CPSF6: variants seen among roughly 807,000 people sequenced by gnomAD.
CPSF6 encodes cleavage and polyadenylation specificity factor subunit 6.
A neutral mutation model predicts 56.7 loss-of-function variants in CPSF6; 10 were observed. That is an observed-to-expected ratio of 0.18 (90% CI 0.11 to 0.30). The LOEUF is 0.30. Ranked by LOEUF, CPSF6 falls within the 10% of genes least tolerant of loss-of-function variation. The pLI, the probability that CPSF6 is intolerant of heterozygous loss-of-function variation, is 1.00. For missense variants in CPSF6, 419 were observed against 722.9 expected (o/e 0.58, Z 4.82); for synonymous variants, 248 against 244.8 (o/e 1.01, Z -0.12).
At chr12:69,251,499 A>T (rs1486043783) in intron 2 of CPSF6, among the ~76,000 whole-genome samples, 161 bp downstream of exon 2, 2 of 151,960 alleles carry the variant, frequency 1.3e-5, no homozygotes, top group Non-Finnish European at 2.9e-5. Flanking sequence ...TCTTTGCAAC[A>T]TCGTTAATTC....
rs76766118 is a variant in CPSF6 at position 69,257,413 on chromosome 12, C to A, written c.521-319C>A. On this transcript the variant is annotated intron_variant, in intron 4 of 9. Transcript: ENST00000435070. ...AAGACTTAACTGAAGAAGTGTGTTA[C>A]AAAATTTAAATGATGTAATACTGAA... Among the ~76,000 whole-genome samples, 835 of 152,242 alleles carry A rather than the reference C, an allele frequency of 5.5e-3. 10 individuals are homozygous for A. The highest frequency in any genetic ancestry group is 0.018 in the African/African-American group (737 of 41,538).
chr12:69,269,704 T>G lies in CPSF6; in HGVS notation c.*196T>G. The G allele has an allele frequency of 9.2e-6, 2 of 216,632 alleles. No homozygotes were observed. Among genetic ancestry groups the G allele is most frequent in the South Asian group, 5.4e-5 (1 of 18,544 alleles). The allele number at this position is 216,632 out of a possible 1,614,324, so 13.4% of individuals were successfully genotyped here. On this transcript the variant is annotated 3_prime_UTR_variant, in exon 10 of 10. Coordinates refer to ENST00000435070, the MANE Select transcript of CPSF6 (RefSeq NM_007007.3). ...GCTCTACTTTTATTTTTTATGTTGCTTAACTGTTTTATTTGAAGGAAACCT... is the reference window on the plus strand; with the variant it reads ...GCTCTACTTTTATTTTTTATGTTGCGTAACTGTTTTATTTGAAGGAAACCT...
intron 3 of CPSF6, among the ~76,000 whole-genome samples, chr12:69,255,788 T>C (rs1322449245): frequency 6.6e-6 from 1 of 152,064 alleles, no homozygotes; most frequent in Non-Finnish European, 1.5e-5. Flanking sequence ...CCTCCTGCCT[T>C]GGCCTCCCAA....
intron 8 of CPSF6, 98 bp from the exon 9 acceptor site, chr12:69,262,275 G>C: frequency 7.2e-7 from 1 of 1,397,376 alleles, no homozygotes; most frequent in Non-Finnish European, 9.4e-7. Flanking sequence ...GATTTACAAA[G>C]AATTTTTGCT....
At chr12:69,242,170 G>T (rs1376813470) in intron 1 of CPSF6, among the ~76,000 whole-genome samples, 1 of 150,960 alleles carries the variant, frequency 6.6e-6, no homozygotes, top group African/African-American at 2.4e-5. Context: ...AGCCAGTTTT[G>T]ACTTACTTTG....
chr12:69,247,987 C>G (rs979374772), intron 1 of CPSF6, among the ~76,000 whole-genome samples: 19 of 152,150 alleles, frequency 1.2e-4, no homozygotes, highest in African/African-American at 4.6e-4. Flanking sequence ...AACCCCAGGA[C>G]CATGGTCTTA....
At chr12:69,260,225 T>TA (rs745587175) in intron 8 of CPSF6, 28 bp downstream of exon 8, 9 of 1,489,572 alleles carry the variant, frequency 6.0e-6, no homozygotes, top group Admixed American at 2.5e-5. Context: ...CATTTCCATT[T>TA]AAAAAAACTG....
At chr12:69,244,312 C>T (rs1185169650) in intron 1 of CPSF6, among the ~76,000 whole-genome samples, 4 of 151,968 alleles carry the variant, frequency 2.6e-5, no homozygotes, top group Non-Finnish European at 2.9e-5. Context: ...CTTGGCTCAC[C>T]GCAACCTCTG....
At chr12:69,260,336 T>A in intron 8 of CPSF6, 139 bp downstream of exon 8, 1 of 615,468 alleles carries the variant, frequency 1.6e-6, no homozygotes, top group Non-Finnish European at 2.7e-6. Flanking sequence ...TTTTTAACTC[T>A]AAATGTTAGT....
Position 69,249,159 on chromosome 12 carries a change from G to C in CPSF6, c.61-1970G>C, listed in dbSNP as rs1173490806. Reference sequence around the variant, plus strand: ...CCTGTAGTCCCAGCTACTCGGGGGGGGGGGGGGGGGCTGAGGCAGGAGAAT... The same window carrying C: ...CCTGTAGTCCCAGCTACTCGGGGGGCGGGGGGGGGGCTGAGGCAGGAGAAT... On this transcript the variant is annotated intron_variant, in intron 1 of 9. Coordinates refer to ENST00000435070, the MANE Select transcript of CPSF6 (RefSeq NM_007007.3). Among the ~76,000 whole-genome samples, 56 of 69,440 alleles carry C rather than the reference G, an allele frequency of 8.1e-4. 10 individuals carry two copies. Among genetic ancestry groups the C allele is most frequent in the East Asian group, 3.2e-3 (4 of 1,268 alleles). 45.6% of individuals were successfully genotyped at this position (69,440 alleles called of 152,430 possible). A position where few individuals can be genotyped will look rare whatever the true frequency, so the allele number is the denominator to read the frequency against.
chr12:69,249,325 T>G (rs1301666482), intron 1 of CPSF6, among the ~76,000 whole-genome samples: 2 of 151,804 alleles, frequency 1.3e-5, no homozygotes, highest in African/African-American at 4.8e-5. Flanking sequence ...AAATAAAAGA[T>G]CTTATTCTGG....
intron 8 of CPSF6, 43 bp downstream of exon 8, chr12:69,260,240 T>G: frequency 7.0e-7 from 1 of 1,418,634 alleles, no homozygotes; most frequent in Non-Finnish European, 9.5e-7. Flanking sequence ...AAACTGTTAG[T>G]TTACAAATGG....
At position 69,256,784 on chromosome 12, in the gene CPSF6, T is replaced by C. The variant is rs1452581530; in HGVS notation, c.462T>C (p.Pro154=). 2 of 1,613,824 alleles carry C rather than the reference T, an allele frequency of 1.2e-6. No individual in the cohort carries two copies. The highest frequency in any genetic ancestry group is 1.7e-6 in the Non-Finnish European group (2 of 1,179,892). ...AAAGAGAACTTCATGGTCAGAATCCTGTTGTAACTCCATGCAATAAACAGT... is the reference window on the plus strand; with the variant it reads ...AAAGAGAACTTCATGGTCAGAATCCCGTTGTAACTCCATGCAATAAACAGT... ...LPKRELHGQN[P]VVTPCNKQFL... The change falls in exon 4 of 10, where the codon CCT becomes CCC. Residue 154 remains proline (P), a synonymous_variant. Transcript: ENST00000435070.
chr12:69,267,255 A>T (rs970522373), intron 9 of CPSF6, among the ~76,000 whole-genome samples: 3 of 152,076 alleles, frequency 2.0e-5, no homozygotes, highest in African/African-American at 7.2e-5. Flanking sequence ...ATGTGCATAG[A>T]TAAATTTCTA....
At chr12:69,246,545 A>G (rs779753133) in intron 1 of CPSF6, among the ~76,000 whole-genome samples, 1 of 152,234 alleles carries the variant, frequency 6.6e-6, no homozygotes, top group Non-Finnish European at 1.5e-5. Flanking sequence ...AGGGATTTTT[A>G]CAGGGATTAC....
rs762585524 is a variant in CPSF6 at position 69,259,005 on chromosome 12, G to A, written c.1110G>A (p.Met370Ile). 1.1e-5 allele frequency: 18 copies of A among 1,611,608 alleles called. No homozygotes were observed. In the Admixed American group the frequency reaches 1.5e-4, roughly 13 times the overall value. Residue 370 changes from methionine (M) to isoleucine (I), a missense_variant, in exon 6 of 10, where the codon ATG becomes ATA. Physicochemically the swap from Met to Ile is conservative, Grantham distance 10. Coordinates refer to ENST00000435070, the MANE Select transcript of CPSF6 (RefSeq NM_007007.3). Reference sequence around the variant, plus strand: ...TTCCTCCACCAACTAACAGTGGCATGCCTACATCAGATAGCCGAGGTCCAC... The same window carrying A: ...TTCCTCCACCAACTAACAGTGGCATACCTACATCAGATAGCCGAGGTCCAC... ...AFFPPPTNSGMPTSDSRGPPP... is the reference protein window; with the variant it reads ...AFFPPPTNSGIPTSDSRGPPP...
intron 1 of CPSF6, among the ~76,000 whole-genome samples, chr12:69,249,835 T>G (rs1297476893): frequency 6.6e-6 from 1 of 152,234 alleles, no homozygotes; most frequent in Non-Finnish European, 1.5e-5. Context: ...TGTTTCTGTT[T>G]CATTTTAGTT....
In CPSF6 at chr12:69,257,719, T is replaced by G; in HGVS notation, c.521-13T>G. On this transcript the variant is annotated splice_polypyrimidine_tract_variant and intron_variant, in intron 4 of 9. Transcript: ENST00000435070. ...TTAATAAGTGCTATTTATGAGTATT[T>G]GGATATTTGCAGCTACACAATCAGG... 1 of 1,601,820 alleles carries G rather than the reference T, an allele frequency of 6.2e-7. No homozygotes were observed. The highest frequency in any genetic ancestry group is 1.1e-5 in the South Asian group (1 of 88,334).
rs757226940 is a variant in CPSF6, at chr12:69,258,407, A to T, written c.695-183A>T. Among the ~76,000 whole-genome samples, 5 of 152,232 alleles carry T rather than the reference A, an allele frequency of 3.3e-5. No individual in the cohort carries two copies. The highest frequency in any genetic ancestry group is 7.3e-5 in the Non-Finnish European group (5 of 68,034). On this transcript the variant is annotated intron_variant, in intron 5 of 9. Transcript: ENST00000435070. This position sits in a 1 kb window ranked among gnomAD's most constrained non-coding sequence, Gnocchi z 4.2. ...ATTTTTCTTAAGCATAAATTGAGCT[A>T]GTTAAATTTGTAAGGATATACTTCA...
Sources: gnomAD v4.1 joint callset for allele counts (sites outside exome capture counted in the v4.1 genomes callset) on GRCh38, gnomAD v4.1.1 for gene constraint, Gnocchi (gnomAD v3.1) non-coding constraint, MANE v1.5 for transcripts, NCBI Gene and HGNC (gene_info 2026-07-23, HGNC 2026-07-21) for gene names.